The following PDE4D variants were observed in gnomAD, a reference collection of about 807,000 sequenced individuals.
PDE4D encodes phosphodiesterase 4D, also known as 3',5'-cyclic-AMP phosphodiesterase 4D.
A neutral mutation model predicts 87.4 loss-of-function variants in PDE4D; 24 were observed. The ratio of observed to expected loss-of-function variants is 0.27; its 90% CI spans 0.20 to 0.39. The LOEUF is 0.39. Among genes scored for constraint, PDE4D ranks in the 10% least tolerant of loss-of-function variants. The pLI is 1.00. For missense variants in PDE4D, 714 were observed against 1,041.0 expected (o/e 0.69, Z 4.32); for synonymous variants, 384 against 383.2 (o/e 1.00, Z -0.02).
At chr5:60,136,203 ATG>A (rs1780029370) in intron 2 of PDE4D, among the ~76,000 whole-genome samples, 1 of 152,202 alleles carries the variant, frequency 6.6e-6, no homozygotes, top group Non-Finnish European at 1.5e-5. Context: ...TTTTATGAGA[ATG>A]AGGTCTTTCT....
At chr5:60,154,891 T>C (rs1781827151) in intron 2 of PDE4D, among the ~76,000 whole-genome samples, 1 of 152,244 alleles carries the variant, frequency 6.6e-6, no homozygotes, top group Admixed American at 6.5e-5. Flanking sequence ...TCTTTTAAAA[T>C]GTAGTTGCAA....
intron 1 of PDE4D, among the ~76,000 whole-genome samples, chr5:59,354,909 C>G (rs1350845995): frequency 6.6e-6 from 1 of 152,138 alleles, no homozygotes; most frequent in Admixed American, 6.5e-5. Context: ...AACCTCCAAA[C>G]AGTGAAAGCA....
intron 5 of PDE4D, among the ~76,000 whole-genome samples, chr5:59,141,646 A>T: frequency 6.6e-6 from 1 of 152,180 alleles, no homozygotes; most frequent in East Asian, 1.9e-4. Flanking sequence ...TCTTCTGTCA[A>T]ATGAATTTTT....
chr5:59,821,454 G>A (rs3111173), intron 1 of PDE4D, among the ~76,000 whole-genome samples: 69,033 of 147,498 alleles, frequency 0.47, 16,094 homozygotes, highest in Admixed American at 0.52. Context: ...TACATTGAAT[G>A]AATAAAGACT....
intron 1 of PDE4D, among the ~76,000 whole-genome samples, chr5:60,315,243 T>G (rs1249040037): frequency 1.3e-5 from 2 of 152,250 alleles, no homozygotes; most frequent in African/African-American, 4.8e-5. Flanking sequence ...CTAGTGATGA[T>G]GAGCATTTTT....
chr5:59,723,376 G>A (rs1489514994), intron 1 of PDE4D, among the ~76,000 whole-genome samples: 2 of 152,042 alleles, frequency 1.3e-5, no homozygotes, highest in Non-Finnish European at 2.9e-5. Context: ...CATAGAATGT[G>A]GTAAAACTAA....
At chr5:59,909,922 AGAT>A (rs1490764476) in intron 3 of PDE4D, among the ~76,000 whole-genome samples, 4 of 152,210 alleles carry the variant, frequency 2.6e-5, no homozygotes, top group Non-Finnish European at 5.9e-5. Context: ...AATTTCCTAA[AGAT>A]GACAAACGAA....
intron 1 of PDE4D, among the ~76,000 whole-genome samples, chr5:59,854,078 T>C (rs1581431100): frequency 6.6e-6 from 1 of 152,210 alleles, no homozygotes; most frequent in East Asian, 1.9e-4. Flanking sequence ...AAATTCATAG[T>C]GATAGATATA....
chr5:59,387,643 TA>T (rs1393939110), intron 1 of PDE4D, among the ~76,000 whole-genome samples: 1 of 152,126 alleles, frequency 6.6e-6, no homozygotes, highest in East Asian at 1.9e-4. Flanking sequence ...GCTGTAATTC[TA>T]AAAGGTATAT....
intron 2 of PDE4D, among the ~76,000 whole-genome samples, chr5:60,055,980 C>G (rs1298213948): frequency 2.0e-5 from 3 of 151,972 alleles, no homozygotes; most frequent in Non-Finnish European, 4.4e-5. Flanking sequence ...GATATAGGTA[C>G]TAATAAAAGA....
At chr5:59,001,336 A>G (rs1233894482) in intron 6 of PDE4D, among the ~76,000 whole-genome samples, 1 of 152,052 alleles carries the variant, frequency 6.6e-6, no homozygotes, top group Non-Finnish European at 1.5e-5. Context: ...CTGACATTTA[A>G]CTATTTCCAC....
intron 1 of PDE4D, among the ~76,000 whole-genome samples, chr5:60,439,930 A>AAC (rs1554036396): frequency 3.6e-4 from 47 of 131,986 alleles, no homozygotes; most frequent in South Asian, 1.5e-3. Flanking sequence ...AAAAAAAACA[A>AAC]AAAAAAAAAA....
intron 1 of PDE4D, among the ~76,000 whole-genome samples, chr5:59,485,031 C>T (rs1287549632): frequency 1.3e-5 from 2 of 152,078 alleles, no homozygotes; most frequent in Admixed American, 6.6e-5. Context: ...TCCAAGAAAC[C>T]CCAGTCTCCT....
At chr5:59,002,136 C>A in intron 6 of PDE4D, 1 of 458,224 alleles carries the variant, frequency 2.2e-6, no homozygotes, top group Non-Finnish European at 4.4e-6. Context: ...TAATATCACC[C>A]CCTCTAACTC....
chr5:59,626,557 G>A (rs1830926407), intron 1 of PDE4D, among the ~76,000 whole-genome samples: 1 of 152,078 alleles, frequency 6.6e-6, no homozygotes, highest in South Asian at 2.1e-4. Flanking sequence ...TTACAAAAAT[G>A]GAAAGCTTTT....
Position 59,723,868 on chromosome 5 carries a change from T to C in PDE4D, c.455+169300A>G, listed in dbSNP as rs552350272. ...CTTTTCTCCTTGTAGTTAATTACAT[T>C]AAACAATTTTATCCCAAAAAGGGAA... is the stretch of plus-strand genomic sequence containing the variant. On this transcript the variant is annotated intron_variant, in intron 1 of 14. Coordinates refer to ENST00000340635, the MANE Select transcript of PDE4D (RefSeq NM_001104631.2). Among the ~76,000 whole-genome samples, 3 of 152,256 alleles carry C rather than the reference T, an allele frequency of 2.0e-5. No homozygotes were observed. The South Asian group carries it at 6.2e-4, about 32-fold the overall frequency.
At chr5:59,905,594 CCTCT>C in intron 3 of PDE4D, among the ~76,000 whole-genome samples, 1 of 152,224 alleles carries the variant, frequency 6.6e-6, no homozygotes, top group Middle Eastern at 3.4e-3. Context: ...GTTACATTAA[CCTCT>C]CTGTCAGTTT....
intron 1 of PDE4D, among the ~76,000 whole-genome samples, chr5:60,361,069 C>T (rs1039027488): frequency 3.3e-5 from 5 of 152,164 alleles, no homozygotes; most frequent in Non-Finnish European, 5.9e-5. Flanking sequence ...TCAATAAGAA[C>T]CTTCTCTGCA....
At chr5:60,179,757 C>A (rs183851265) in intron 2 of PDE4D, among the ~76,000 whole-genome samples, 1 of 151,934 alleles carries the variant, frequency 6.6e-6, no homozygotes, top group East Asian at 1.9e-4. Context: ...TTTTAGTTTT[C>A]AAAACATTTG....
Sources: gnomAD v4.1 joint callset for allele counts (sites outside exome capture counted in the v4.1 genomes callset) on GRCh38, gnomAD v4.1.1 for gene constraint, MANE v1.5 for transcripts, NCBI Gene and HGNC (gene_info 2026-07-23, HGNC 2026-07-21) for gene names.